Variants in CDC42BPG observed in about 807,000 individuals in gnomAD.
CDC42BPG encodes serine/threonine-protein kinase MRCK gamma.
A neutral mutation model predicts 192.2 loss-of-function variants in CDC42BPG; 157 were observed. The observed-to-expected ratio is 0.82, with a 90% CI of 0.72 to 0.93. The LOEUF (loss-of-function observed/expected upper bound fraction) is 0.93, where lower values mean the gene tolerates loss of function less well. Ranked by LOEUF, CDC42BPG falls within the 40% of genes least tolerant of loss-of-function variation. CDC42BPG has a pLI of 0.00. For synonymous variants in CDC42BPG, 981 were observed against 918.5 expected, an observed-to-expected ratio of 1.07 and a Z score of -1.23; for missense variants, 1,992 against 2,122.1, an observed-to-expected ratio of 0.94 and a Z score of 1.20.
chr11:64,835,096 G>T lies in CDC42BPG; in HGVS notation c.2011C>A (p.Arg671=). 7.3e-7 allele frequency: 1 copy of T among 1,363,736 alleles called. No homozygotes were observed. The allele number at this position is 1,363,736 out of a possible 1,614,324, so 84.5% of individuals were successfully genotyped here. A position where few individuals can be genotyped will look rare whatever the true frequency, so the allele number is the denominator to read the frequency against. ...ESKQRLEGER[R]ETESNWEAQL... is the part of the protein sequence containing the mutation. ...GCCTCCCAGTTGCTCTCCGTCTCCC[G>T]CCGCTCACCCTCCAGCCGCTGCTTG... is the stretch of plus-strand genomic sequence containing the variant. The change falls in exon 17 of 37, where the codon CGG becomes AGG. Residue 671 remains arginine (R), a synonymous_variant. Coordinates refer to ENST00000342711, the MANE Select transcript of CDC42BPG (RefSeq NM_017525.3).
At position 64,836,733 on chromosome 11, in the gene CDC42BPG, G is replaced by GGGGGGGGT; in HGVS notation, c.1384+5_1384+6insACCCCCCC. ...GGGGGGGGGGGGGGGTGGGCGGAAG[G>GGGGGGGGT]GATACCTGGCAGCCTGTCCCGCAGA... On this transcript the variant is annotated splice_donor_region_variant and intron_variant, in intron 11 of 36. Transcript: ENST00000342711. 1 of 1,334,984 alleles carries GGGGGGGGT rather than the reference G, an allele frequency of 7.5e-7. No individual in the cohort carries two copies. Among genetic ancestry groups the GGGGGGGGT allele is most frequent in the Non-Finnish European group, 1.0e-6 (1 of 982,894 alleles). The allele number at this position is 1,334,984 out of a possible 1,614,324, so 82.7% of individuals were successfully genotyped here.
chr11:64,834,493 G>T lies in CDC42BPG; in HGVS notation c.2260C>A (p.Arg754Ser). Residue 754 changes from arginine (R) to serine (S), a missense_variant, in exon 19 of 37, where the codon CGC becomes AGC. Physicochemically the swap from Arg to Ser is moderately radical, Grantham distance 110. Coordinates refer to ENST00000342711, the MANE Select transcript of CDC42BPG (RefSeq NM_017525.3). The part of the protein sequence containing the change: ...ELQSALEAEI[R>S]AKQGLQERLT... ...CGCTCCTGCAGGCCCTGCTTGGCGC[G>T]GATCTCGGCCTCCAGCGCTGACTGC... The T allele has an allele frequency of 6.3e-7, 1 of 1,574,900 alleles. No individual in the cohort carries two copies.
chr11:64,827,384 C>A lies in CDC42BPG; in HGVS notation c.4165G>T (p.Asp1389Tyr). Residue 1389 changes from aspartate (D) to tyrosine (Y), a missense_variant, in exon 33 of 37, where the codon GAC (aspartate) becomes TAC (tyrosine). By Grantham distance (160) the Asp-to-Tyr change is radical. Around this residue, in one of 2 missense-constraint regions of CDC42BPG, gnomAD observed 336 missense variants for 277.9 expected, o/e 1.21. Transcript: ENST00000342711. ...CTGTTGTCGGTGAGGTCCGGGATGT[C>A]GAACTCGTCCTTCTCTGTGGGAGAA... ...RNQLAEKDEF[D>Y]IPDLTDNSRR... 6.2e-7 allele frequency: 1 copy of A among 1,613,556 alleles called. No homozygotes were observed. The highest frequency in any genetic ancestry group is 8.5e-7 in the Non-Finnish European group (1 of 1,179,486).
At chr11:64,839,437 G>GCCTGCTCCC (rs1241204576) in intron 6 of CDC42BPG, 41 bp downstream of exon 6, 6 of 607,818 alleles carry the variant, frequency 9.9e-6, no homozygotes, top group Non-Finnish European at 1.7e-5. Context: ...AGCTTGGCCC[G>GCCTGCTCCC]CCTTGTATCC....
At chr11:64,831,953 G>A (rs536208835) in intron 27 of CDC42BPG, among the ~76,000 whole-genome samples, 54 of 152,382 alleles carry the variant, frequency 3.5e-4, no homozygotes, top group African/African-American at 1.1e-3. Flanking sequence ...GGGAAGTGAA[G>A]GATGACTTCC....
Position 64,836,726 on chromosome 11 carries a change from G to GGGGGGGGGGCC in CDC42BPG, c.1384+12_1384+13insGGCCCCCCCCC. 4 of 889,318 alleles carry GGGGGGGGGGCC rather than the reference G, an allele frequency of 4.5e-6. No homozygotes were observed. The highest frequency in any genetic ancestry group is 3.2e-6 in the Non-Finnish European group (2 of 622,126). The allele number at this position is 889,318 out of a possible 1,614,324, so 55.1% of individuals were successfully genotyped here. ...AGCCCTGGGGGGGGGGGGGGGGTGG[G>GGGGGGGGGGCC]CGGAAGGGATACCTGGCAGCCTGTC... On this transcript the variant is annotated intron_variant, in intron 11 of 36. Transcript: ENST00000342711.
chr11:64,827,413 G>A lies in CDC42BPG; in HGVS notation c.4151-15C>T. The A allele has an allele frequency of 6.2e-7, 1 of 1,612,822 alleles. No homozygotes were observed. Among genetic ancestry groups the A allele is most frequent in the South Asian group, 1.1e-5 (1 of 91,062 alleles). ...CTCGTCCTTCTCTGTGGGAGAAGTG[G>A]AGAGCTGGGCTGTGCTCACACATTC... On this transcript the variant is annotated splice_polypyrimidine_tract_variant and intron_variant, in intron 32 of 36. Transcript: ENST00000342711.
chr11:64,823,151 A>C lies in CDC42BPG; in HGVS notation c.*1322T>G, dbSNP rs1235147001. 6.8e-6 allele frequency among the ~76,000 whole-genome samples: 1 copy of C among 147,608 alleles called. No homozygotes were observed. The highest frequency in any genetic ancestry group is 2.5e-5 in the African/African-American group (1 of 39,890). ...ACCCAGGCTGGAGTGCAGTGGCGCG[A>C]TCTCGGCTCACTGCAAGCTCCGCCT... On this transcript the variant is annotated 3_prime_UTR_variant, in exon 37 of 37. Transcript: ENST00000342711.
Position 64,841,892 on chromosome 11 carries a change from A to C in CDC42BPG, c.173T>G (p.Val58Gly). ...CAGACGCAGTTCTTTCACCTTTGAT[A>C]CGAAGGGGCTGGCTGAGGGGACACA... is the stretch of plus-strand genomic sequence containing the variant. The part of the protein sequence containing the change: ...AQFLSWASPF[V>G]SKVKELRLQR... Residue 58 changes from valine to glycine, a missense_variant, in exon 2 of 37, where the codon GTA becomes GGA. By Grantham distance (109) the Val-to-Gly change is moderately radical. This residue lies in a region of CDC42BPG where 1,656 missense variants were observed against 1,844.3 expected (regional missense o/e 0.90). Coordinates refer to ENST00000342711, the MANE Select transcript of CDC42BPG (RefSeq NM_017525.3). The C allele has an allele frequency of 6.2e-7, 1 of 1,608,770 alleles. No homozygotes were observed. The highest frequency in any genetic ancestry group is 8.5e-7 in the Non-Finnish European group (1 of 1,177,634).
Position 64,830,347 on chromosome 11 carries a change from T to C in CDC42BPG, c.3305-91A>G, listed in dbSNP as rs1047687975. On this transcript the variant is annotated intron_variant, in intron 28 of 36. Coordinates refer to ENST00000342711, the MANE Select transcript of CDC42BPG (RefSeq NM_017525.3). The stretch of plus-strand genomic sequence containing the variant: ...CCACCTGCCCTGCTGTGCCTGTTTA[T>C]CTTGAGGAAATGGGGGTGGCAATAA... The C allele has an allele frequency of 3.6e-6, 4 of 1,102,594 alleles. No individual in the cohort carries two copies. The African/African-American group carries it at 6.2e-5, about 17-fold the overall frequency. 68.3% of individuals were successfully genotyped at this position (1,102,594 alleles called of 1,614,324 possible).
chr11:64,832,655 T>C lies in CDC42BPG; in HGVS notation c.2954A>G (p.Asp985Gly). ...DSRLLLFDAPDLRLSPPSGAL... is the reference protein window; with the variant it reads ...DSRLLLFDAPGLRLSPPSGAL... ...CCCACTGGGCGGGCTGAGCCTCAGG[T>C]CAGGGGCGTCAAACAGCAGCAGGCG... The change falls in exon 26 of 37, where the codon GAC (aspartate) becomes GGC (glycine). Residue 985 changes from aspartate to glycine, a missense_variant. Physicochemically the swap from Asp to Gly is moderately conservative, Grantham distance 94. Coordinates refer to ENST00000342711, the MANE Select transcript of CDC42BPG (RefSeq NM_017525.3). 2 of 1,613,668 alleles carry C rather than the reference T, an allele frequency of 1.2e-6. No individual in the cohort carries two copies. The highest frequency in any genetic ancestry group is 1.7e-6 in the Non-Finnish European group (2 of 1,179,986).
intron 30 of CDC42BPG, 136 bp downstream of exon 30, chr11:64,829,335 G>T: frequency 9.1e-7 from 1 of 1,100,638 alleles, no homozygotes; most frequent in Non-Finnish European, 1.3e-6. Context: ...GGGTGGGACA[G>T]GGTGTTGTTG....
Position 64,840,362 on chromosome 11 carries a change from C to T in CDC42BPG, c.433-94G>A, listed in dbSNP as rs1943226525. 2.0e-6 allele frequency: 3 copies of T among 1,511,068 alleles called. No homozygotes were observed. In the Admixed American group the frequency reaches 5.7e-5, roughly 29 times the overall value. 93.6% of individuals were successfully genotyped at this position (1,511,068 alleles called of 1,614,324 possible). On this transcript the variant is annotated intron_variant, in intron 4 of 36. Transcript: ENST00000342711. ...GGGCTCTGGGAAGGCAGGCCTGCATCTCCCAGCAGCTCTGGGCTGGCCAGT... is the reference window on the plus strand; with the variant it reads ...GGGCTCTGGGAAGGCAGGCCTGCATTTCCCAGCAGCTCTGGGCTGGCCAGT...
chr11:64,826,613 A>T, intron 35 of CDC42BPG, 58 bp from the exon 36 acceptor site: 3 of 1,434,094 alleles, frequency 2.1e-6, no homozygotes, highest in Non-Finnish European at 2.9e-6. Context: ...AGGGATCCAA[A>T]GGGGGTAGAA....
At position 64,824,066 on chromosome 11, in the gene CDC42BPG, C is replaced by T. The variant is rs71539699; in HGVS notation, c.*407G>A. ...AGACGGGGACATGCCCCATCTTGGC[C>T]TCAGCTGGGAGTCAGACAGTCCACA... On this transcript the variant is annotated 3_prime_UTR_variant, in exon 37 of 37. Transcript: ENST00000342711. The T allele has an allele frequency of 5.2e-5, 12 of 229,100 alleles. No individual in the cohort carries two copies. Among genetic ancestry groups the T allele is most frequent in the Non-Finnish European group, 9.6e-5 (11 of 114,994 alleles). The allele number at this position is 229,100 out of a possible 1,614,324, so 14.2% of individuals were successfully genotyped here.
intron 30 of CDC42BPG, among the ~76,000 whole-genome samples, chr11:64,828,650 C>G (rs1240965499): frequency 6.6e-6 from 1 of 152,218 alleles, no homozygotes; most frequent in Non-Finnish European, 1.5e-5. Flanking sequence ...GCCGGTGGCT[C>G]ACACCTGTAA....
At chr11:64,835,271 A>C in intron 16 of CDC42BPG, 76 bp downstream of exon 16, 2 of 1,609,854 alleles carry the variant, frequency 1.2e-6, no homozygotes, top group South Asian at 2.2e-5. Flanking sequence ...CACTGGCTGC[A>C]GCTTGCCCAC....
In CDC42BPG at chr11:64,840,561, C is replaced by A; in HGVS notation, c.424G>T (p.Glu142Ter). Reference sequence around the variant, plus strand: ...CCGCCACGTATCCTCACCAGGTACTCCTCGTCTTGGAAGGCATAGTGCAGA... The same window carrying A: ...CCGCCACGTATCCTCACCAGGTACTACTCGTCTTGGAAGGCATAGTGCAGA... ...TTLHYAFQDE[E>*]YLYLVMDYYA... The change falls in exon 4 of 37, where the codon GAG (glutamate) becomes TAG (stop). Residue 142 changes from glutamate to a stop codon, truncating the protein, a stop_gained. Coordinates refer to ENST00000342711, the MANE Select transcript of CDC42BPG (RefSeq NM_017525.3). LOFTEE classifies it high-confidence loss of function. The A allele has an allele frequency of 1.2e-6, 2 of 1,613,910 alleles. No individual in the cohort carries two copies. The highest frequency in any genetic ancestry group is 1.7e-6 in the Non-Finnish European group (2 of 1,179,950).
intron 11 of CDC42BPG, 62 bp from the exon 12 acceptor site, chr11:64,836,592 A>G: frequency 7.0e-7 from 1 of 1,438,810 alleles, no homozygotes; most frequent in Non-Finnish European, 9.8e-7. Context: ...GCCCAGGAGC[A>G]AGTCTCCTTG....
Sources: gnomAD v4.1 joint callset for allele counts (sites outside exome capture counted in the v4.1 genomes callset) on GRCh38, gnomAD v4.1.1 for gene constraint, gnomAD v4.1.1 regional missense constraint, MANE v1.5 for transcripts, NCBI Gene and HGNC (gene_info 2026-07-23, HGNC 2026-07-21) for gene names.